Variants in KANK1 observed in about 807,000 individuals in gnomAD.
The protein encoded by KANK1 is KN motif and ankyrin repeat domain-containing protein 1.
In KANK1, 109 loss-of-function variants were observed where a neutral mutation model predicts 106.2. The ratio of observed to expected loss-of-function variants is 1.03; its 90% CI spans 0.88 to 1.20. The LOEUF (loss-of-function observed/expected upper bound fraction) is 1.20, where lower values mean the gene tolerates loss of function less well. Among genes scored for constraint, KANK1 ranks in the 50% most tolerant of loss-of-function variants. The pLI is 0.00. For missense variants in KANK1, 2,399 were observed against 1,710.7 expected, an observed-to-expected ratio of 1.40 and a Z score of -7.10; for synonymous variants, 873 against 652.2, an observed-to-expected ratio of 1.34 and a Z score of -5.16.
At chr9:664,048 G>A (rs911127795) in intron 1 of KANK1, among the ~76,000 whole-genome samples, 1 of 152,112 alleles carries the variant, frequency 6.6e-6, no homozygotes, top group Non-Finnish European at 1.5e-5. Flanking sequence ...CTCGATGGGA[G>A]GTAATTGAAT....
intron 3 of KANK1, among the ~76,000 whole-genome samples, chr9:485,023 A>T (rs2058267699): frequency 6.6e-6 from 1 of 152,140 alleles, no homozygotes; most frequent in Non-Finnish European, 1.5e-5. Context: ...GAGGCCCTGG[A>T]AGCCTGGACT....
At chr9:566,732 G>A (rs149932390) in intron 1 of KANK1, among the ~76,000 whole-genome samples, 31 of 152,052 alleles carry the variant, frequency 2.0e-4, no homozygotes, top group African/African-American at 2.9e-4. Flanking sequence ...TTTAAGTTCC[G>A]TGTAGGTGCT....
chr9:509,309 G>C lies in KANK1; in HGVS notation c.-84+4555G>C, dbSNP rs144759617. On this transcript the variant is annotated intron_variant, in intron 1 of 11. Transcript: ENST00000382297. ...CACGGGGTTTCACCATGTTGGCCGG[G>C]ATGGTCTCCATCTCCTGACCTCGTG... is the stretch of plus-strand genomic sequence containing the variant. Among the ~76,000 whole-genome samples the C allele has an allele frequency of 1.1e-3, 170 of 152,228 alleles. 5 individuals are homozygous for C. The East Asian group carries it at 0.03, about 26-fold the overall frequency.
intron 1 of KANK1, among the ~76,000 whole-genome samples, chr9:617,909 G>C (rs1010609014): frequency 2.6e-5 from 4 of 152,080 alleles, no homozygotes; most frequent in Non-Finnish European, 5.9e-5. Context: ...AAGAGGGTGC[G>C]GGCAGAATGG....
rs1282117917 is a variant in KANK1, at chr9:514,142, CCCTT to C, written c.-84+9392_-84+9395del. On this transcript the variant is annotated intron_variant, in intron 1 of 11. Transcript: ENST00000382297. ...TCCCTCTCTCTCTCCCTCCCTCCCTCCCTTCCTCTCTCCCTCCCTTCCTCTCTCC... is the reference window on the plus strand; with the variant it reads ...TCCCTCTCTCTCTCCCTCCCTCCCTCCCTCTCTCCCTCCCTTCCTCTCTCC... Among the ~76,000 whole-genome samples, 677 of 69,024 alleles carry C rather than the reference CCCTT, an allele frequency of 9.8e-3. 12 individuals are homozygous for C. Among genetic ancestry groups the C allele is most frequent in the African/African-American group, 0.018 (186 of 10,264 alleles). 45.3% of individuals were successfully genotyped at this position (69,024 alleles called of 152,430 possible).
At chr9:565,177 CAG>C (rs1348195110) in intron 1 of KANK1, among the ~76,000 whole-genome samples, 2 of 152,352 alleles carry the variant, frequency 1.3e-5, no homozygotes, top group Admixed American at 6.5e-5. Context: ...TTAAATTAAT[CAG>C]AGAGCTGGAG....
chr9:730,543 A>G (rs1207093420), intron 4 of KANK1: 2 of 363,682 alleles, frequency 5.5e-6, no homozygotes, highest in African/African-American at 4.2e-5. Context: ...AAATACAAAA[A>G]TTAGCCAGGC....
At chr9:526,202 G>T (rs2059784210) in intron 1 of KANK1, among the ~76,000 whole-genome samples, 1 of 151,684 alleles carries the variant, frequency 6.6e-6, no homozygotes, top group African/African-American at 2.4e-5. Context: ...GTGTGATCCT[G>T]GTGCTGTCTC....
In KANK1 at chr9:723,990, C is replaced by T. The variant is rs146866393; in HGVS notation, c.2699-6061C>T. Among the ~76,000 whole-genome samples, 240 of 149,804 alleles carry T rather than the reference C, an allele frequency of 1.6e-3. 2 individuals are homozygous for T. In the East Asian group the frequency reaches 0.032, roughly 20 times the overall value. On this transcript the variant is annotated intron_variant, in intron 3 of 11. Transcript: ENST00000382297. The stretch of plus-strand genomic sequence containing the variant: ...TGGTTTTGTACGTCTGTGGTCCCAG[C>T]TATTTGGGGGGCTGAGGTGGGAGGA...
At chr9:580,128 C>T (rs1487245435) in intron 1 of KANK1, among the ~76,000 whole-genome samples, 1 of 152,148 alleles carries the variant, frequency 6.6e-6, no homozygotes, top group Non-Finnish European at 1.5e-5. Flanking sequence ...TTCGTGGTCT[C>T]ACTGGCTTCA....
chr9:691,611 A>ATTTTTTTC (rs1554684788), intron 2 of KANK1, among the ~76,000 whole-genome samples: 1,964 of 71,062 alleles, frequency 0.028, 97 homozygotes, highest in African/African-American at 0.049. Flanking sequence ...TAATACCAGA[A>ATTTTTTTC]TTTTTTTTTT....
intron 1 of KANK1, among the ~76,000 whole-genome samples, chr9:535,447 A>G (rs1277961785): frequency 6.6e-6 from 1 of 151,900 alleles, no homozygotes; most frequent in Non-Finnish European, 1.5e-5. Context: ...TTTGGTGCCT[A>G]CTCTGTACTG....
At chr9:719,103 G>C (rs1245861834) in intron 3 of KANK1, among the ~76,000 whole-genome samples, 1 of 151,806 alleles carries the variant, frequency 6.6e-6, no homozygotes, top group East Asian at 1.9e-4. Context: ...GGGACTACAG[G>C]CACACGCCAC....
Position 518,714 on chromosome 9 carries a change from T to C in KANK1, c.-84+13960T>C, listed in dbSNP as rs991850169. 4.0e-5 allele frequency among the ~76,000 whole-genome samples: 6 copies of C among 151,472 alleles called. No individual in the cohort carries two copies. In the East Asian group the frequency reaches 5.8e-4, roughly 15 times the overall value. ...GAAAAGTCCTCAAAGAGCCACCTTGTTTACTTTAGGCTAGAGGAGCGGAGA... is the reference window on the plus strand; with the variant it reads ...GAAAAGTCCTCAAAGAGCCACCTTGCTTACTTTAGGCTAGAGGAGCGGAGA... On this transcript the variant is annotated intron_variant, in intron 1 of 11. Transcript: ENST00000382297.
At chr9:509,953 A>G (rs902334919) in intron 1 of KANK1, among the ~76,000 whole-genome samples, 2 of 150,018 alleles carry the variant, frequency 1.3e-5, no homozygotes, top group Non-Finnish European at 3.0e-5. Flanking sequence ...GGCATGTGCC[A>G]CTGCACTCAG....
At chr9:574,875 A>G (rs1007017455) in intron 1 of KANK1, among the ~76,000 whole-genome samples, 2 of 151,950 alleles carry the variant, frequency 1.3e-5, no homozygotes, top group Non-Finnish European at 1.5e-5. Flanking sequence ...AAAAAAGAAA[A>G]AAAATATTTT....
chr9:594,329 A>G (rs578110794), intron 1 of KANK1, among the ~76,000 whole-genome samples: 1 of 151,966 alleles, frequency 6.6e-6, no homozygotes, highest in East Asian at 1.9e-4. Flanking sequence ...GAAAAGGCCA[A>G]CATGATTGAC....
At chr9:640,988 G>A (rs1456717538) in intron 1 of KANK1, among the ~76,000 whole-genome samples, 2 of 152,144 alleles carry the variant, frequency 1.3e-5, no homozygotes, top group African/African-American at 4.8e-5. Flanking sequence ...GAGCCACCGC[G>A]CCTGGCCACC....
intron 1 of KANK1, among the ~76,000 whole-genome samples, chr9:606,863 A>G (rs1037708088): frequency 6.6e-6 from 1 of 151,696 alleles, no homozygotes; most frequent in Non-Finnish European, 1.5e-5. Flanking sequence ...TGGAAATAGC[A>G]GAAAGGAAAA....
Sources: allele counts gnomAD v4.1 joint callset (sites outside exome capture counted in the v4.1 genomes callset), GRCh38; gene constraint gnomAD v4.1.1; transcripts MANE v1.5; gene names NCBI Gene and HGNC (gene_info 2026-07-23, HGNC 2026-07-21).